PDE4B: variants seen among roughly 807,000 people sequenced by gnomAD.
PDE4B encodes phosphodiesterase 4B, also known as 3',5'-cyclic-AMP phosphodiesterase 4B.
A neutral mutation model predicts 82.2 loss-of-function variants in PDE4B; 20 were observed. The observed-to-expected ratio is 0.24, with a 90% CI of 0.17 to 0.35. The LOEUF is 0.35. Ranked by LOEUF, PDE4B falls within the 10% of genes least tolerant of loss-of-function variation. PDE4B has a pLI of 1.00. For synonymous variants in PDE4B, 320 were observed against 318.9 expected (o/e 1.00, Z -0.04); for missense variants, 655 against 907.2 (o/e 0.72, Z 3.57).
At chr1:66,281,454 G>T (rs1314696528) in intron 7 of PDE4B, among the ~76,000 whole-genome samples, 3 of 152,192 alleles carry the variant, frequency 2.0e-5, no homozygotes, top group African/African-American at 4.8e-5. Flanking sequence ...GGGTTTCTCT[G>T]GGAGGTGATT....
chr1:66,075,742 GGGC>G (rs965177899), intron 3 of PDE4B, among the ~76,000 whole-genome samples: 1 of 151,992 alleles, frequency 6.6e-6, no homozygotes, highest in African/African-American at 2.4e-5. Context: ...GAAGACCTCT[GGGC>G]TTTGTGAGCT....
intron 1 of PDE4B, among the ~76,000 whole-genome samples, chr1:65,882,554 A>T (rs938772446): frequency 6.6e-6 from 1 of 152,210 alleles, no homozygotes; most frequent in African/African-American, 2.4e-5. Flanking sequence ...ACATAATGGA[A>T]TATTATGCAG....
At chr1:66,196,249 G>A (rs972737584) in intron 3 of PDE4B, among the ~76,000 whole-genome samples, 4 of 152,318 alleles carry the variant, frequency 2.6e-5, no homozygotes, top group Non-Finnish European at 4.4e-5. Flanking sequence ...GCCCACCTGT[G>A]CCACAAACTA....
intron 1 of PDE4B, among the ~76,000 whole-genome samples, chr1:65,818,272 C>A: frequency 6.6e-6 from 1 of 152,128 alleles, no homozygotes; most frequent in East Asian, 1.9e-4. Context: ...GCCTAAATGT[C>A]TTTTCTTGTG....
chr1:66,108,153 T>G (rs1188952104), intron 3 of PDE4B, among the ~76,000 whole-genome samples: 1 of 152,032 alleles, frequency 6.6e-6, no homozygotes. Context: ...GCAATAGATC[T>G]CCTGAAGTTA....
At chr1:66,132,411 A>G (rs1312777667) in intron 3 of PDE4B, among the ~76,000 whole-genome samples, 1 of 152,130 alleles carries the variant, frequency 6.6e-6, no homozygotes, top group East Asian at 1.9e-4. Flanking sequence ...TTGCAGGGCT[A>G]TTTTTAGGAT....
intron 3 of PDE4B, among the ~76,000 whole-genome samples, chr1:65,998,132 A>G (rs974915430): frequency 1.3e-5 from 2 of 152,224 alleles, no homozygotes; most frequent in Non-Finnish European, 2.9e-5. Flanking sequence ...ATTTAAGCAT[A>G]TAAAACCCCC....
At chr1:65,844,962 A>T (rs557360067) in intron 1 of PDE4B, among the ~76,000 whole-genome samples, 2 of 152,290 alleles carry the variant, frequency 1.3e-5, no homozygotes, top group South Asian at 4.1e-4. Context: ...TTGTAGTTTG[A>T]CATATGAAGT....
chr1:66,053,399 G>C lies in PDE4B; in HGVS notation c.281+134564G>C, dbSNP rs372264245. Among the ~76,000 whole-genome samples, 9 of 152,138 alleles carry C rather than the reference G, an allele frequency of 5.9e-5. No individual in the cohort carries two copies. In the East Asian group the frequency reaches 1.2e-3, roughly 20 times the overall value. ...TGATAACCACTGGCTTACATTTTCT[G>C]TTTATCATGTCCCAGACATGTTCTA... On this transcript the variant is annotated intron_variant, in intron 3 of 16. Transcript: ENST00000341517.
chr1:66,079,978 A>G (rs927655640), intron 3 of PDE4B, among the ~76,000 whole-genome samples: 5 of 152,152 alleles, frequency 3.3e-5, no homozygotes, highest in Admixed American at 2.6e-4. Context: ...AACGTTTATT[A>G]ATTTCAAATT....
chr1:65,864,983 C>T (rs975754459), intron 1 of PDE4B, among the ~76,000 whole-genome samples: 1 of 152,168 alleles, frequency 6.6e-6, no homozygotes, highest in African/African-American at 2.4e-5. Context: ...GCGCCCACAA[C>T]CGCCCCTTCC....
chr1:66,116,257 A>C (rs551096596), intron 3 of PDE4B, among the ~76,000 whole-genome samples: 1 of 152,126 alleles, frequency 6.6e-6, no homozygotes, highest in Non-Finnish European at 1.5e-5. Context: ...CTTTCCTCAA[A>C]TGTCTGATGA....
rs186875672 is a variant in PDE4B at position 65,983,072 on chromosome 1, C to T, written c.281+64237C>T. Among the ~76,000 whole-genome samples the T allele has an allele frequency of 5.4e-3, 828 of 152,302 alleles. 4 individuals are homozygous for T. Among genetic ancestry groups the T allele is most frequent in the African/African-American group, 0.019 (785 of 41,556 alleles). ...AAAGAGGATTATTCTCAAGCCTCAA[C>T]ATCTAATGGAATTTTTCGTGCTAGG... On this transcript the variant is annotated intron_variant, in intron 3 of 16. Transcript: ENST00000341517.
chr1:66,219,120 G>T (rs1386569360), intron 3 of PDE4B, among the ~76,000 whole-genome samples: 5 of 152,116 alleles, frequency 3.3e-5, no homozygotes, highest in Non-Finnish European at 7.4e-5. Context: ...GCTTAGCCAT[G>T]TATGGCTTCT....
At chr1:65,863,013 A>AT (rs745829222) in intron 1 of PDE4B, among the ~76,000 whole-genome samples, 9 of 151,794 alleles carry the variant, frequency 5.9e-5, no homozygotes, top group Non-Finnish European at 1.3e-4. Flanking sequence ...GGATTCATTG[A>AT]TTTTTTGGAG....
At chr1:66,106,183 A>C (rs1417754647) in intron 3 of PDE4B, among the ~76,000 whole-genome samples, 1 of 152,216 alleles carries the variant, frequency 6.6e-6, no homozygotes, top group Non-Finnish European at 1.5e-5. Context: ...CCTTTTCTGC[A>C]TCTATTGAGA....
At chr1:65,975,527 G>A (rs939614065) in intron 3 of PDE4B, among the ~76,000 whole-genome samples, 3 of 152,240 alleles carry the variant, frequency 2.0e-5, no homozygotes, top group African/African-American at 4.8e-5. Context: ...GGAAAGAGGA[G>A]CTGAATGATA....
intron 3 of PDE4B, among the ~76,000 whole-genome samples, chr1:65,949,330 C>A (rs533200972): frequency 6.6e-6 from 1 of 152,218 alleles, no homozygotes; most frequent in South Asian, 2.1e-4. Context: ...GCCTTTTAAG[C>A]CCTTCCTCCA....
At chr1:65,882,740 C>T (rs1380390260) in intron 1 of PDE4B, among the ~76,000 whole-genome samples, 1 of 151,320 alleles carries the variant, frequency 6.6e-6, no homozygotes, top group African/African-American at 2.4e-5. Flanking sequence ...ATGAATAATG[C>T]TTAATGTTTT....
Sources: allele counts gnomAD v4.1 joint callset (sites outside exome capture counted in the v4.1 genomes callset), GRCh38; gene constraint gnomAD v4.1.1; transcripts MANE v1.5; gene names NCBI Gene and HGNC (gene_info 2026-07-23, HGNC 2026-07-21).